ARMC2: variants seen among roughly 807,000 people sequenced by gnomAD.
ARMC2 encodes armadillo repeat containing 2, also known as armadillo repeat-containing protein 2.
In ARMC2, 67 loss-of-function variants were observed where a neutral mutation model predicts 90.3. The ratio of observed to expected loss-of-function variants is 0.74; its 90% CI spans 0.61 to 0.91. The LOEUF (loss-of-function observed/expected upper bound fraction) is 0.91, where lower values mean the gene tolerates loss of function less well. Ranked by LOEUF, ARMC2 falls within the 40% of genes least tolerant of loss-of-function variation. The pLI, the probability that ARMC2 is intolerant of heterozygous loss-of-function variation, is 0.00. For missense variants in ARMC2, 920 were observed against 1,030.9 expected, an observed-to-expected ratio of 0.89 and a Z score of 1.47; for synonymous variants, 393 against 393.0, an observed-to-expected ratio of 1.00 and a Z score of 0.00.
At chr6:108,908,944 C>T (rs1773106866) in intron 8 of ARMC2, among the ~76,000 whole-genome samples, 1 of 152,102 alleles carries the variant, frequency 6.6e-6, no homozygotes, top group Admixed American at 6.6e-5. Flanking sequence ...GTGGCATGTG[C>T]CTGTAATCCC....
intron 1 of ARMC2, among the ~76,000 whole-genome samples, chr6:108,853,973 T>C (rs1176249757): frequency 6.6e-6 from 1 of 152,112 alleles, no homozygotes; most frequent in Non-Finnish European, 1.5e-5. Context: ...TCATGATTAG[T>C]CTTTCTCTCT....
the ARMC2 span, among the ~76,000 whole-genome samples, chr6:109,024,653 A>G: frequency 6.6e-6 from 1 of 152,222 alleles, no homozygotes; most frequent in Non-Finnish European, 1.5e-5. Context: ...ATTATAGTCT[A>G]GCCTAGACTA....
At position 108,912,352 on chromosome 6, in the gene ARMC2, C is replaced by T; in HGVS notation, c.1144C>T (p.Leu382=). ...DSILESLLEV[L]RSEDLQTNME... Reference sequence around the variant, plus strand: ...TTTGACAGAATCATTATTGGAGGTACTAAGAAGTGAAGACCTGCAAACTAA... The same window carrying T: ...TTTGACAGAATCATTATTGGAGGTATTAAGAAGTGAAGACCTGCAAACTAA... The change falls in exon 10 of 18, where the codon CTA becomes TTA. Residue 382 remains leucine (L), a synonymous_variant. Transcript: ENST00000392644. 1 of 1,606,212 alleles carries T rather than the reference C, an allele frequency of 6.2e-7. No individual in the cohort carries two copies. The highest frequency in any genetic ancestry group is 8.5e-7 in the Non-Finnish European group (1 of 1,176,392).
the ARMC2 span, among the ~76,000 whole-genome samples, chr6:109,032,401 A>C: frequency 4.2e-4 from 64 of 152,088 alleles, no homozygotes; most frequent in African/African-American, 1.5e-3. Context: ...GGCAAATCAC[A>C]AGGTCAGGAA....
intron 15 of ARMC2, 130 bp from the exon 16 acceptor site, chr6:108,964,050 T>G: frequency 4.0e-5 from 38 of 959,406 alleles, no homozygotes; most frequent in Non-Finnish European, 5.1e-5. Flanking sequence ...TTAGGAAGAA[T>G]GAGTTAAGTC....
chr6:108,978,622 G>A (rs1218602042), downstream of ARMC2, among the ~76,000 whole-genome samples: 1 of 152,096 alleles, frequency 6.6e-6, no homozygotes, highest in African/African-American at 2.4e-5. Context: ...ATTATAGTGT[G>A]GGAGTCTAAG....
intron 1 of ARMC2, among the ~76,000 whole-genome samples, chr6:108,850,880 T>C (rs1773945943): frequency 6.6e-6 from 1 of 152,100 alleles, no homozygotes; most frequent in South Asian, 2.1e-4. Context: ...CCGGGGCCTT[T>C]TGGAGTCTGG....
Position 108,906,340 on chromosome 6 carries a change from A to G in ARMC2, c.1023+1935A>G, listed in dbSNP as rs191576107. Among the ~76,000 whole-genome samples, 81 of 152,312 alleles carry G rather than the reference A, an allele frequency of 5.3e-4. No homozygotes were observed. The East Asian group carries it at 5.8e-3, about 11-fold the overall frequency. On this transcript the variant is annotated intron_variant, in intron 8 of 17. Coordinates refer to ENST00000392644, the MANE Select transcript of ARMC2 (RefSeq NM_032131.6). ...CCAATTACCAACTGTGATGCTATAT[A>G]GTGGTACTAGTATGAGTGATTTTAA... is the stretch of plus-strand genomic sequence containing the variant.
the ARMC2 span, among the ~76,000 whole-genome samples, chr6:109,031,213 G>A: frequency 6.6e-6 from 1 of 152,170 alleles, no homozygotes; most frequent in Non-Finnish European, 1.5e-5. Context: ...TTAGTAGTGG[G>A]AAACGGTCAG....
intron 13 of ARMC2, among the ~76,000 whole-genome samples, chr6:108,956,817 C>A (rs975492190): frequency 7.2e-5 from 11 of 152,138 alleles, no homozygotes; most frequent in African/African-American, 2.4e-4. Flanking sequence ...CATGGCAAAA[C>A]CCCATCTCTA....
In ARMC2 at chr6:108,904,161, C is replaced by G. The variant is rs1170979092; in HGVS notation, c.848-69C>G. On this transcript the variant is annotated intron_variant, in intron 7 of 17. Transcript: ENST00000392644. ...ATTATGGGGTTTTTACTTACACTGT[C>G]TGTGTTTGACACACTTGGAAACTTA... 4.6e-6 allele frequency: 7 copies of G among 1,526,040 alleles called. No individual in the cohort carries two copies. In the Admixed American group the frequency reaches 8.0e-5, roughly 17 times the overall value. 94.5% of individuals were successfully genotyped at this position (1,526,040 alleles called of 1,614,324 possible). A position where few individuals can be genotyped will look rare whatever the true frequency, so the allele number is the denominator to read the frequency against.
At chr6:108,922,385 G>C (rs2128481525) in intron 10 of ARMC2, among the ~76,000 whole-genome samples, 1 of 152,216 alleles carries the variant, frequency 6.6e-6, no homozygotes, top group African/African-American at 2.4e-5. Flanking sequence ...CGATTCTCCT[G>C]CCTCAGCCAT....
the ARMC2 span, among the ~76,000 whole-genome samples, chr6:109,021,740 T>C: frequency 6.6e-6 from 1 of 152,136 alleles, no homozygotes; most frequent in Non-Finnish European, 1.5e-5. Context: ...CCTGGCCTCA[T>C]CCTTCTCCTT....
chr6:109,042,837 A>T, the ARMC2 span, among the ~76,000 whole-genome samples: 24 of 152,036 alleles, frequency 1.6e-4, no homozygotes, highest in Non-Finnish European at 2.8e-4. Flanking sequence ...GGAGGGAAAA[A>T]TTTTCAATTA....
intron 5 of ARMC2, among the ~76,000 whole-genome samples, chr6:108,881,907 C>T (rs149189261): frequency 2.6e-5 from 4 of 152,242 alleles, no homozygotes; most frequent in East Asian, 3.9e-4. Flanking sequence ...CCTCCGTTCG[C>T]TCTCTCTATG....
At position 108,876,201 on chromosome 6, in the gene ARMC2, A is replaced by T; in HGVS notation, c.522A>T (p.Ile174=). 6.2e-7 allele frequency: 1 copy of T among 1,613,066 alleles called. No individual in the cohort carries two copies. Among genetic ancestry groups the T allele is most frequent in the African/African-American group, 1.3e-5 (1 of 75,044 alleles). Reference sequence around the variant, plus strand: ...TGATGGGGGACTCTATGGTGAAAATAAATGGGATTTATTTAACAAAATCAA... The same window carrying T: ...TGATGGGGGACTCTATGGTGAAAATTAATGGGATTTATTTAACAAAATCAA... The part of the protein sequence containing the change: ...TVMMGDSMVK[I]NGIYLTKSNA... The change falls in exon 5 of 18, where the codon ATA becomes ATT. Residue 174 remains isoleucine, a synonymous_variant. Transcript: ENST00000392644.
At chr6:108,900,100 C>T (rs1270405602) in intron 7 of ARMC2, among the ~76,000 whole-genome samples, 1 of 152,268 alleles carries the variant, frequency 6.6e-6, no homozygotes, top group Non-Finnish European at 1.5e-5. Context: ...TTTAACCTCT[C>T]TCAGGTGGCT....
At chr6:109,046,388 A>G in the ARMC2 span, among the ~76,000 whole-genome samples, 3 of 151,458 alleles carry the variant, frequency 2.0e-5, no homozygotes, top group Non-Finnish European at 4.4e-5. Flanking sequence ...CTCAGTGCTC[A>G]ATGGTGCCCA....
At chr6:108,852,338 C>T (rs1050110298) in intron 1 of ARMC2, among the ~76,000 whole-genome samples, 1 of 151,964 alleles carries the variant, frequency 6.6e-6, no homozygotes, top group South Asian at 2.1e-4. Flanking sequence ...GTACAAGTTT[C>T]TCACAATATA....
Sources: allele counts gnomAD v4.1 joint callset (sites outside exome capture counted in the v4.1 genomes callset), GRCh38; gene constraint gnomAD v4.1.1; transcripts MANE v1.5; gene names NCBI Gene and HGNC (gene_info 2026-07-23, HGNC 2026-07-21).